The following TLL2 variants were observed in gnomAD, a reference collection of about 807,000 sequenced individuals.
TLL2 encodes the protein tolloid like 2.
Under a neutral mutation model 123.0 loss-of-function variants are expected in TLL2, and 106 were observed. That is an observed-to-expected ratio of 0.86 (90% CI 0.74 to 1.01). TLL2 has a LOEUF of 1.01. Among genes scored for constraint, TLL2 ranks in the 50% least tolerant of loss-of-function variants. The pLI is 0.00. For synonymous variants in TLL2, 494 were observed against 516.8 expected, an observed-to-expected ratio of 0.96 and a Z score of 0.60; for missense variants, 1,332 against 1,336.7, an observed-to-expected ratio of 1.00 and a Z score of 0.06.
intron 2 of TLL2, among the ~76,000 whole-genome samples, chr10:96,467,887 T>C (rs1050759147): frequency 2.0e-5 from 3 of 152,214 alleles, no homozygotes; most frequent in African/African-American, 4.8e-5. Flanking sequence ...CCTCAACTGA[T>C]ACATATGATA....
At chr10:96,427,726 G>T (rs1053774626) in intron 5 of TLL2, among the ~76,000 whole-genome samples, 1 of 152,152 alleles carries the variant, frequency 6.6e-6, no homozygotes, top group Admixed American at 6.5e-5. Context: ...TCTCTAGGTT[G>T]TTTTATTCAG....
intron 1 of TLL2, among the ~76,000 whole-genome samples, chr10:96,499,443 T>C (rs1338816423): frequency 6.6e-6 from 1 of 152,222 alleles, no homozygotes; most frequent in Non-Finnish European, 1.5e-5. Flanking sequence ...CAACCCCCTT[T>C]TCCTAGTTGA....
At chr10:96,406,076 T>A (rs530139447) in intron 9 of TLL2, among the ~76,000 whole-genome samples, 111 of 152,124 alleles carry the variant, frequency 7.3e-4, no homozygotes, top group African/African-American at 2.6e-3. Context: ...TGAGGTCAGG[T>A]AGTGGATGCT....
chr10:96,444,847 A>C (rs1221467186), intron 3 of TLL2, among the ~76,000 whole-genome samples: 1 of 152,250 alleles, frequency 6.6e-6, no homozygotes, highest in East Asian at 1.9e-4. Flanking sequence ...AATGATTTCT[A>C]TTTCATTCCT....
intron 13 of TLL2, among the ~76,000 whole-genome samples, chr10:96,388,261 A>C (rs1031629451): frequency 6.6e-6 from 1 of 151,938 alleles, no homozygotes; most frequent in Admixed American, 6.5e-5. Context: ...ATTAGCCGGG[A>C]GTGGTGGTGC....
intron 5 of TLL2, among the ~76,000 whole-genome samples, chr10:96,423,783 C>T (rs1180849172): frequency 2.6e-5 from 4 of 152,106 alleles, no homozygotes; most frequent in Non-Finnish European, 1.5e-5. Context: ...ATTAAAAGCC[C>T]CTTTCTCTTT....
At chr10:96,426,042 T>C (rs1846674847) in intron 5 of TLL2, among the ~76,000 whole-genome samples, 2 of 152,104 alleles carry the variant, frequency 1.3e-5, no homozygotes. Context: ...TGCAAGAATC[T>C]ATCCTTGACA....
chr10:96,435,587 T>A (rs1162563779), intron 3 of TLL2, among the ~76,000 whole-genome samples: 1 of 152,234 alleles, frequency 6.6e-6, no homozygotes, highest in Non-Finnish European at 1.5e-5. Flanking sequence ...AGTTTTATAG[T>A]TTTAGCTCTT....
In TLL2 at chr10:96,410,473, C is replaced by G. The variant is rs199704612; in HGVS notation, c.1050G>C (p.Ala350=). 1.7e-5 allele frequency: 28 copies of G among 1,613,512 alleles called. No individual in the cohort carries two copies. The highest frequency in any genetic ancestry group is 4.0e-5 in the African/African-American group (3 of 74,900). Residue 350 remains alanine (A), a splice_region_variant and synonymous_variant, in exon 9 of 21, where the codon GCG becomes GCC. Transcript: ENST00000357947. ...TTGTGTCCTGCAGGGTCTCCCCACA[C>G]GCTGCACAAGCAAAATCACAACTGT... The part of the protein sequence containing the change: ...AQARKLYKCP[A]CGETLQDTTG...
intron 17 of TLL2, 24 bp downstream of exon 17, chr10:96,378,943 C>A (rs755586894): frequency 1.9e-6 from 3 of 1,612,352 alleles, no homozygotes; most frequent in South Asian, 2.2e-5. Flanking sequence ...CCCGCCCCCC[C>A]AACAACTGGA....
chr10:96,393,791 C>T (rs1280617811), intron 13 of TLL2, among the ~76,000 whole-genome samples: 2 of 149,020 alleles, frequency 1.3e-5, no homozygotes, highest in African/African-American at 5.0e-5. Flanking sequence ...TCCAATCCTT[C>T]AGCGCCATCA....
At chr10:96,379,402 A>G (rs1417462874) in intron 16 of TLL2, among the ~76,000 whole-genome samples, 1 of 152,228 alleles carries the variant, frequency 6.6e-6, no homozygotes, top group Non-Finnish European at 1.5e-5. Flanking sequence ...AGTAACAATA[A>G]TAACAGTAAT....
intron 2 of TLL2, among the ~76,000 whole-genome samples, chr10:96,475,737 A>T (rs1406608340): frequency 3.3e-5 from 5 of 152,110 alleles, no homozygotes; most frequent in Admixed American, 6.5e-5. Flanking sequence ...CCTACCCTCC[A>T]ACAAAAGAAA....
chr10:96,430,905 G>C (rs1191368106), intron 4 of TLL2, among the ~76,000 whole-genome samples: 1 of 151,978 alleles, frequency 6.6e-6, no homozygotes, highest in Non-Finnish European at 1.5e-5. Context: ...AAAGAAAGAA[G>C]AAACAAACAA....
chr10:96,455,626 C>T (rs1289145142), intron 2 of TLL2, among the ~76,000 whole-genome samples: 1 of 152,174 alleles, frequency 6.6e-6, no homozygotes, highest in African/African-American at 2.4e-5. Context: ...CCACCAGCAC[C>T]GTGATAATTT....
intron 4 of TLL2, 142 bp from the exon 5 acceptor site, chr10:96,428,890 T>A: frequency 3.4e-6 from 2 of 581,448 alleles, no homozygotes. Context: ...CTGCAACTTC[T>A]GCCTCCTGGG....
chr10:96,411,761 A>G lies in TLL2; in HGVS notation c.1049-1287T>C, dbSNP rs140394915. Among the ~76,000 whole-genome samples the G allele has an allele frequency of 3.9e-4, 60 of 152,304 alleles. 1 individual carries two copies. The highest frequency in any genetic ancestry group is 1.4e-3 in the African/African-American group (58 of 41,562). Reference sequence around the variant, plus strand: ...CTGCATGGCGACTGACTGAGCTTTCAGTTACTGCTCGGAACTACTGGAAGC... The same window carrying G: ...CTGCATGGCGACTGACTGAGCTTTCGGTTACTGCTCGGAACTACTGGAAGC... On this transcript the variant is annotated intron_variant, in intron 8 of 20. Transcript: ENST00000357947.
chr10:96,476,983 A>G (rs1304043943), intron 2 of TLL2, among the ~76,000 whole-genome samples: 2 of 150,166 alleles, frequency 1.3e-5, no homozygotes, highest in Non-Finnish European at 3.0e-5. Flanking sequence ...TGGGGCTGGG[A>G]TAACAGGGGA....
intron 7 of TLL2, among the ~76,000 whole-genome samples, chr10:96,420,145 C>T (rs1287404111): frequency 6.6e-6 from 1 of 152,160 alleles, no homozygotes; most frequent in African/African-American, 2.4e-5. Context: ...AAGCAAACAG[C>T]TGGTTTTAAC....
Sources: allele counts gnomAD v4.1 joint callset (sites outside exome capture counted in the v4.1 genomes callset), GRCh38; gene constraint gnomAD v4.1.1; transcripts MANE v1.5; gene names NCBI Gene and HGNC (gene_info 2026-07-23, HGNC 2026-07-21).